Variants in TRDN observed in about 807,000 individuals in gnomAD.
TRDN encodes the protein triadin.
In TRDN, 161 loss-of-function variants were observed where a neutral mutation model predicts 149.7. The observed-to-expected ratio is 1.08, with a 90% CI of 0.95 to 1.23. The LOEUF (loss-of-function observed/expected upper bound fraction) is 1.23. TRDN is among the 50% of genes most tolerant of loss of function. The pLI, the probability that TRDN is intolerant of heterozygous loss-of-function variation, is 0.00. For synonymous variants in TRDN, 294 were observed against 250.5 expected (o/e 1.17, Z -1.64); for missense variants, 896 against 823.5 (o/e 1.09, Z -1.08).
intron 37 of TRDN, among the ~76,000 whole-genome samples, chr6:123,253,246 A>G (rs1283334582): frequency 6.6e-6 from 1 of 152,068 alleles, no homozygotes; most frequent in East Asian, 1.9e-4. Flanking sequence ...ACTAGAGCAG[A>G]CATTCTAATT....
chr6:123,503,011 T>G (rs569771105), intron 8 of TRDN: 4 of 985,268 alleles, frequency 4.1e-6, no homozygotes, highest in African/African-American at 1.7e-5. Context: ...CAACCTTCCA[T>G]AAAATAAAAA....
chr6:123,319,450 T>C (rs1779161031), intron 23 of TRDN, among the ~76,000 whole-genome samples: 1 of 151,994 alleles, frequency 6.6e-6, no homozygotes, highest in Non-Finnish European at 1.5e-5. Flanking sequence ...TCAAGCCATA[T>C]AAAAACAACT....
At chr6:123,522,584 A>T (rs1346071444) in intron 5 of TRDN, among the ~76,000 whole-genome samples, 1 of 70,740 alleles carries the variant, frequency 1.4e-5, no homozygotes, top group South Asian at 4.0e-4. Flanking sequence ...TTATAATTTT[A>T]GTTGTTTCAG....
Position 123,463,357 on chromosome 6 carries a change from TAATA to T in TRDN, c.931+1545_931+1548del, listed in dbSNP as rs374409398. Among the ~76,000 whole-genome samples the T allele has an allele frequency of 7.0e-3, 1,017 of 146,208 alleles. 3 individuals carry two copies. Among genetic ancestry groups the T allele is most frequent in the African/African-American group, 0.015 (573 of 38,620 alleles). On this transcript the variant is annotated intron_variant, in intron 10 of 40. Transcript: ENST00000334268. ...CGTCTCAAGAAAAAAAAAAAATAAA[TAATA>T]AATAAATAAATAAATAAATAAATAA...
chr6:123,571,265 G>C, intron 1 of TRDN, 133 bp from the exon 2 acceptor site: 1 of 887,356 alleles, frequency 1.1e-6, no homozygotes, highest in Non-Finnish European at 1.7e-6. Flanking sequence ...TTAGTGGCAG[G>C]ACAAAGCCTC....
At chr6:123,547,687 A>G (rs998063587) in intron 3 of TRDN, among the ~76,000 whole-genome samples, 16 of 152,042 alleles carry the variant, frequency 1.1e-4, no homozygotes, top group African/African-American at 3.6e-4. Flanking sequence ...CAAAACAAAT[A>G]TAATTTCAGG....
intron 2 of TRDN, among the ~76,000 whole-genome samples, chr6:123,555,061 G>A (rs1190835936): frequency 6.6e-6 from 1 of 152,110 alleles, no homozygotes; most frequent in Non-Finnish European, 1.5e-5. Flanking sequence ...CTAGGCACAG[G>A]TGTTTACGAA....
intron 8 of TRDN, 65 bp from the exon 9 acceptor site, chr6:123,497,317 A>G (rs879338492): frequency 1.7e-5 from 20 of 1,143,228 alleles, no homozygotes; most frequent in Non-Finnish European, 2.4e-5. Flanking sequence ...TTCTACAGAG[A>G]AATAATTTAA....
At chr6:123,574,855 TACATATATATATATA>T (rs1782755142) in intron 1 of TRDN, among the ~76,000 whole-genome samples, 1 of 34,912 alleles carries the variant, frequency 2.9e-5, no homozygotes, top group East Asian at 1.2e-3. Flanking sequence ...AATTTATATA[TACATATATATATATA>T]TATATATATA....
intron 23 of TRDN, among the ~76,000 whole-genome samples, chr6:123,330,556 T>G (rs889309851): frequency 2.0e-5 from 3 of 151,986 alleles, no homozygotes; most frequent in Non-Finnish European, 4.4e-5. Context: ...TAAAAGCCGA[T>G]GAAAAGAAAG....
intron 10 of TRDN, among the ~76,000 whole-genome samples, chr6:123,461,331 T>G (rs1583072403): frequency 6.6e-6 from 1 of 152,196 alleles, no homozygotes; most frequent in Non-Finnish European, 1.5e-5. Flanking sequence ...TATTTATAAT[T>G]GCAAGACTAA....
At chr6:123,474,859 G>A (rs1419143084) in intron 9 of TRDN, among the ~76,000 whole-genome samples, 1 of 151,970 alleles carries the variant, frequency 6.6e-6, no homozygotes, top group Non-Finnish European at 1.5e-5. Flanking sequence ...CAGTAATAAA[G>A]ATGTTCTTTG....
At chr6:123,620,074 T>C (rs1785302872) in intron 1 of TRDN, among the ~76,000 whole-genome samples, 1 of 152,190 alleles carries the variant, frequency 6.6e-6, no homozygotes, top group Non-Finnish European at 1.5e-5. Context: ...CACAAATTTA[T>C]CATGAAAAGA....
At chr6:123,382,701 A>C (rs550985645) in intron 14 of TRDN, among the ~76,000 whole-genome samples, 3 of 152,062 alleles carry the variant, frequency 2.0e-5, no homozygotes, top group African/African-American at 7.2e-5. Flanking sequence ...TGATGAATAC[A>C]TCACTATATT....
At position 123,221,428 on chromosome 6, in the gene TRDN, T is replaced by C. The variant is rs555223266; in HGVS notation, c.2050+59A>G. ...CTTAAGAGAGTCTAACATTTTTACA[T>C]AGATGTAGCATCTTTAATACAGAAT... On this transcript the variant is annotated intron_variant, in intron 40 of 40. Transcript: ENST00000334268. The C allele has an allele frequency of 7.1e-6, 9 of 1,269,898 alleles. No homozygotes were observed. In the African/African-American group the frequency reaches 1.4e-4, roughly 20 times the overall value. The allele number at this position is 1,269,898 out of a possible 1,614,324, so 78.7% of individuals were successfully genotyped here. A position where few individuals can be genotyped will look rare whatever the true frequency, so the allele number is the denominator to read the frequency against.
intron 4 of TRDN, among the ~76,000 whole-genome samples, chr6:123,544,714 T>C (rs1781029834): frequency 6.6e-6 from 1 of 152,098 alleles, no homozygotes; most frequent in Admixed American, 6.6e-5. Flanking sequence ...CCTTGGGGTC[T>C]CATCATGAAG....
chr6:123,275,853 G>C (rs1044992163), intron 26 of TRDN, among the ~76,000 whole-genome samples: 1 of 152,110 alleles, frequency 6.6e-6, no homozygotes, highest in Non-Finnish European at 1.5e-5. Context: ...ATTTTGTGCT[G>C]CTATAATAGA....
intron 9 of TRDN, chr6:123,469,634 CA>C (rs1380117821): frequency 2.0e-5 from 3 of 152,236 alleles, no homozygotes; most frequent in Non-Finnish European, 2.9e-5. Context: ...TTCTTCCTTC[CA>C]GGGGCTTCTC....
At chr6:123,471,098 T>G (rs1411649814) in intron 9 of TRDN, 2 of 152,226 alleles carry the variant, frequency 1.3e-5, no homozygotes, top group Non-Finnish European at 2.9e-5. Flanking sequence ...GGTAGTGATC[T>G]TAAATGTATG....
Sources: allele counts gnomAD v4.1 joint callset (sites outside exome capture counted in the v4.1 genomes callset), GRCh38; gene constraint gnomAD v4.1.1; transcripts MANE v1.5; gene names NCBI Gene and HGNC (gene_info 2026-07-23, HGNC 2026-07-21).